CCND3: variants seen among roughly 807,000 people sequenced by gnomAD.
CCND3 encodes cyclin D3.
Under a neutral mutation model 28.7 loss-of-function variants are expected in CCND3, and 9 were observed. The ratio of observed to expected loss-of-function variants is 0.31; its 90% CI spans 0.19 to 0.55. The LOEUF (loss-of-function observed/expected upper bound fraction) is 0.55, where lower values mean the gene tolerates loss of function less well. Ranked by LOEUF, CCND3 falls within the 20% of genes least tolerant of loss-of-function variation. The pLI is 0.93. For missense variants in CCND3, 315 were observed against 385.8 expected, an observed-to-expected ratio of 0.82 and a Z score of 1.54; for synonymous variants, 164 against 163.9, an observed-to-expected ratio of 1.00 and a Z score of 0.00.
chr6:41,996,340 G>A (rs1181050712), intron 1 of CCND3, among the ~76,000 whole-genome samples: 1 of 151,608 alleles, frequency 6.6e-6, no homozygotes, highest in Non-Finnish European at 1.5e-5. Context: ...AGTAGAGATG[G>A]GGTTTCACCA....
At chr6:42,049,030 C>CTTCTTTTTCTTTTTCTTT, upstream of CCND3, 1 of 166,656 alleles carries the variant, frequency 6.0e-6, no homozygotes, top group East Asian at 1.9e-4. Context: ...TGAGGAGCGA[C>CTTCTTTTTCTTTTTCTTT]TTCTTTTTCT....
At chr6:41,957,320 C>T (rs1776463611) in intron 1 of CCND3, among the ~76,000 whole-genome samples, 1 of 152,190 alleles carries the variant, frequency 6.6e-6, no homozygotes, top group African/African-American at 2.4e-5. Flanking sequence ...AGACAACCAG[C>T]CTGGTTTTCA....
chr6:41,980,973 C>T (rs1582129122), intron 1 of CCND3, among the ~76,000 whole-genome samples: 3 of 152,138 alleles, frequency 2.0e-5, no homozygotes, highest in South Asian at 4.1e-4. Flanking sequence ...CAGGAACAAG[C>T]GAAGGAGGTT....
upstream of CCND3, among the ~76,000 whole-genome samples, chr6:41,945,704 G>A (rs771943072): frequency 1.1e-4 from 17 of 152,174 alleles, no homozygotes; most frequent in Non-Finnish European, 1.6e-4. Context: ...ACTGCTTTCA[G>A]TTCAAACCTG....
intron 1 of CCND3, among the ~76,000 whole-genome samples, chr6:41,998,772 G>A (rs1007527481): frequency 2.0e-5 from 3 of 150,980 alleles, no homozygotes; most frequent in Non-Finnish European, 3.0e-5. Flanking sequence ...CTCTGTCTCC[G>A]GGGTTCAAGT....
At chr6:41,969,497 C>G (rs1761977028) in intron 1 of CCND3, among the ~76,000 whole-genome samples, 1 of 151,930 alleles carries the variant, frequency 6.6e-6, no homozygotes. Flanking sequence ...GCCCGGGTGA[C>G]AGAGTGAGAC....
chr6:41,992,687 T>C (rs1382680171), intron 1 of CCND3, among the ~76,000 whole-genome samples: 1 of 151,772 alleles, frequency 6.6e-6, no homozygotes, highest in Non-Finnish European at 1.5e-5. Flanking sequence ...GACCTTGTGA[T>C]ACACTGGTCT....
At chr6:41,979,533 C>CAAAAAA (rs767526428) in intron 1 of CCND3, among the ~76,000 whole-genome samples, 1 of 97,016 alleles carries the variant, frequency 1.0e-5, no homozygotes. Flanking sequence ...GACTCCACTT[C>CAAAAAA]AAAAAAAAAA....
chr6:41,981,747 C>G lies in CCND3; in HGVS notation c.-45-41162G>C, dbSNP rs543764366. Among the ~76,000 whole-genome samples the G allele has an allele frequency of 1.1e-3, 167 of 151,886 alleles. 5 individuals are homozygous for G. The South Asian group carries it at 0.033, about 30-fold the overall frequency. On this transcript the variant is annotated intron_variant, in intron 1 of 4. Coordinates refer to the CCND3 transcript ENST00000372988. ...CCATGTTGCCCAGGCTGGTCTCAAACTCCTGAGCTCAGGCAATCCACCCAC... is the reference window on the plus strand; with the variant it reads ...CCATGTTGCCCAGGCTGGTCTCAAAGTCCTGAGCTCAGGCAATCCACCCAC...
At chr6:41,959,109 G>T (rs1761624475) in intron 1 of CCND3, among the ~76,000 whole-genome samples, 1 of 152,156 alleles carries the variant, frequency 6.6e-6, no homozygotes, top group Non-Finnish European at 1.5e-5. Context: ...GAGGTCAGGA[G>T]TTCGAGACCA....
At chr6:41,962,417 A>G (rs1229628451) in intron 1 of CCND3, among the ~76,000 whole-genome samples, 1 of 151,974 alleles carries the variant, frequency 6.6e-6, no homozygotes, top group African/African-American at 2.4e-5. Context: ...CAGTCTTTCA[A>G]AGACTTCAGG....
At chr6:41,942,022 G>T (rs1239797813), upstream of CCND3, among the ~76,000 whole-genome samples, 3 of 152,152 alleles carry the variant, frequency 2.0e-5, no homozygotes, top group Non-Finnish European at 4.4e-5. Flanking sequence ...TTTCTAGGAG[G>T]TGGGCCTCCT....
chr6:42,005,473 G>A (rs899823419), intron 1 of CCND3, among the ~76,000 whole-genome samples: 4 of 148,872 alleles, frequency 2.7e-5, no homozygotes, highest in East Asian at 2.0e-4. Flanking sequence ...CCTGGGAGGC[G>A]GAGGTTGCTA....
At chr6:42,049,866 C>G (rs546759980), upstream of CCND3, 1 of 152,236 alleles carries the variant, frequency 6.6e-6, no homozygotes, top group Non-Finnish European at 1.5e-5. Flanking sequence ...CCAAGCCCCT[C>G]TTCCAGAGAG....
At chr6:41,954,834 A>G (rs553406891) in intron 1 of CCND3, among the ~76,000 whole-genome samples, 1 of 152,332 alleles carries the variant, frequency 6.6e-6, no homozygotes, top group East Asian at 1.9e-4. Context: ...TAGAATCAAC[A>G]TGCTTAACCA....
At chr6:42,012,547 G>GCA (rs1321516923) in intron 1 of CCND3, among the ~76,000 whole-genome samples, 3 of 152,214 alleles carry the variant, frequency 2.0e-5, no homozygotes, top group African/African-American at 7.2e-5. Flanking sequence ...GTTGTAGTGA[G>GCA]CAGAGATGGT....
chr6:41,963,704 T>C (rs1761780539), intron 1 of CCND3, among the ~76,000 whole-genome samples: 1 of 152,242 alleles, frequency 6.6e-6, no homozygotes, highest in Non-Finnish European at 1.5e-5. Context: ...TCAAGAGGTA[T>C]GAGTCAAGAG....
chr6:41,979,029 G>A (rs1762257216), intron 1 of CCND3, among the ~76,000 whole-genome samples: 2 of 151,612 alleles, frequency 1.3e-5, no homozygotes, highest in Non-Finnish European at 2.9e-5. Flanking sequence ...AAATTAGCTG[G>A]GTGTGGTAGT....
intron 1 of CCND3, among the ~76,000 whole-genome samples, chr6:41,958,311 T>A (rs1339846716): frequency 2.0e-5 from 3 of 152,174 alleles, no homozygotes; most frequent in Non-Finnish European, 4.4e-5. Context: ...TTTTCATTTT[T>A]AAATTGTCAT....
Sources: gnomAD v4.1 joint callset for allele counts (sites outside exome capture counted in the v4.1 genomes callset) on GRCh38, gnomAD v4.1.1 for gene constraint, MANE v1.5 for transcripts, NCBI Gene and HGNC (gene_info 2026-07-23, HGNC 2026-07-21) for gene names.